Variants in GRAMD1B observed in about 807,000 individuals in gnomAD.
GRAMD1B encodes protein Aster-B.
Under a neutral mutation model 99.7 loss-of-function variants are expected in GRAMD1B, and 37 were observed. The observed-to-expected ratio is 0.37, with a 90% CI of 0.29 to 0.49. The LOEUF is 0.49. GRAMD1B is among the 20% of genes least tolerant of loss of function. The pLI, the probability that GRAMD1B is intolerant of heterozygous loss-of-function variation, is 0.98. For missense variants in GRAMD1B, 888 were observed against 1,009.2 expected (o/e 0.88, Z 1.63); for synonymous variants, 427 against 387.6 (o/e 1.10, Z -1.19).
rs1198398442 is a variant in GRAMD1B at position 123,623,134 on chromosome 11, C to T, written c.*539C>T. 1 of 152,118 alleles carries T rather than the reference C, an allele frequency of 6.6e-6. No individual in the cohort carries two copies. The highest frequency in any genetic ancestry group is 2.4e-5 in the African/African-American group (1 of 41,420). The allele number at this position is 152,118 out of a possible 1,614,324, so 9.4% of individuals were successfully genotyped here. A position where few individuals can be genotyped will look rare whatever the true frequency, so the allele number is the denominator to read the frequency against. On this transcript the variant is annotated 3_prime_UTR_variant, in exon 20 of 20. Coordinates refer to ENST00000635736, the MANE Select transcript of GRAMD1B (RefSeq NM_001387025.1). ...AGTCTAAACTCCTAGGGTTGGCCGC[C>T]CACTTGATCCAGACCGTACTGAGTG...
At chr11:123,582,908 C>T (rs924458434) in intron 3 of GRAMD1B, among the ~76,000 whole-genome samples, 1 of 152,198 alleles carries the variant, frequency 6.6e-6, no homozygotes, top group African/African-American at 2.4e-5. Flanking sequence ...AGGTATTGAT[C>T]TGTGAGCAAA....
intron 2 of GRAMD1B, among the ~76,000 whole-genome samples, chr11:123,504,739 T>C (rs1329310960): frequency 2.0e-5 from 3 of 152,198 alleles, no homozygotes; most frequent in African/African-American, 4.8e-5. Flanking sequence ...TGGAGTGCCA[T>C]GGTGCAATCC....
intron 1 of GRAMD1B, among the ~76,000 whole-genome samples, chr11:123,443,571 CTT>C (rs35979038): frequency 3.9e-4 from 58 of 147,466 alleles, no homozygotes; most frequent in Non-Finnish European, 4.2e-4. Context: ...TCTTTTTTCT[CTT>C]TTTTTTTTTT....
At chr11:123,616,690 C>T (rs113585693) in intron 17 of GRAMD1B, among the ~76,000 whole-genome samples, 5 of 152,250 alleles carry the variant, frequency 3.3e-5, no homozygotes, top group African/African-American at 1.2e-4. Flanking sequence ...CTGGCAGGCT[C>T]TTGCCCCCAC....
At chr11:123,399,748 T>G (rs1363408767) in intron 1 of GRAMD1B, among the ~76,000 whole-genome samples, 1 of 152,152 alleles carries the variant, frequency 6.6e-6, no homozygotes, top group African/African-American at 2.4e-5. Context: ...TAGCTGGAAT[T>G]AAATGTGCAC....
chr11:123,605,367 C>T lies in GRAMD1B; in HGVS notation c.1212C>T (p.Ser404=), dbSNP rs888483138. The change falls in exon 10 of 20, where the codon AGC becomes AGT. Residue 404 remains serine (S), a synonymous_variant. Transcript: ENST00000635736. ...TGGAAGAGAATGAAGTGAATGACAG[C>T]TCATCCAAGAGCAGCATAGAGACCA... The part of the protein sequence containing the change: ...IPVEENEVND[S]SSKSSIETKP... 7 of 1,612,714 alleles carry T rather than the reference C, an allele frequency of 4.3e-6. No individual in the cohort carries two copies. Among genetic ancestry groups the T allele is most frequent in the African/African-American group, 2.7e-5 (2 of 74,874 alleles).
chr11:123,445,818 C>CAAAAAAAAAA (rs36123733), intron 1 of GRAMD1B, among the ~76,000 whole-genome samples: 3 of 94,116 alleles, frequency 3.2e-5, no homozygotes, highest in African/African-American at 1.2e-4. Context: ...CACTTGTCTC[C>CAAAAAAAAAA]AAAAAAAAAA....
intron 1 of GRAMD1B, among the ~76,000 whole-genome samples, chr11:123,446,094 C>T (rs1949632042): frequency 6.6e-6 from 1 of 152,112 alleles, no homozygotes; most frequent in African/African-American, 2.4e-5. Flanking sequence ...TTCCAGATTC[C>T]GAGGAAGGTC....
intron 7 of GRAMD1B, chr11:123,599,142 A>G (rs541955604): frequency 1.4e-5 from 11 of 802,758 alleles, no homozygotes; most frequent in Non-Finnish European, 2.5e-5. Context: ...TGACATTGCC[A>G]CATAGATCTC....
rs78791845 is a variant in GRAMD1B, at chr11:123,535,240, T to A, written c.453-42127T>A. ...ATGATGCTTCTGTGAGCTTTCCATTTAAAAAAAAAAAAATCTCATACAACC... is the reference window on the plus strand; with the variant it reads ...ATGATGCTTCTGTGAGCTTTCCATTAAAAAAAAAAAAAATCTCATACAACC... On this transcript the variant is annotated intron_variant, in intron 2 of 19. Coordinates refer to ENST00000635736, the MANE Select transcript of GRAMD1B (RefSeq NM_001387025.1). Among the ~76,000 whole-genome samples the A allele has an allele frequency of 8.8e-5, 13 of 147,342 alleles. No individual in the cohort carries two copies. In the East Asian group the frequency reaches 9.8e-4, roughly 11 times the overall value.
chr11:123,401,861 G>C (rs1947673652), intron 1 of GRAMD1B, among the ~76,000 whole-genome samples: 1 of 152,106 alleles, frequency 6.6e-6, no homozygotes, highest in Non-Finnish European at 1.5e-5. Flanking sequence ...GTGAGCCGTG[G>C]TCTCATCACT....
At chr11:123,526,205 C>T in intron 2 of GRAMD1B, 1 of 1,598,232 alleles carries the variant, frequency 6.3e-7, no homozygotes, top group Non-Finnish European at 8.6e-7. Context: ...CCTTCCTCTT[C>T]TGCCTTTCTT....
intron 1 of GRAMD1B, among the ~76,000 whole-genome samples, chr11:123,436,052 C>T (rs1327438919): frequency 6.7e-6 from 1 of 148,678 alleles, no homozygotes; most frequent in Non-Finnish European, 1.5e-5. Flanking sequence ...AAGTGATTCT[C>T]CTGCCTAAGC....
rs867365952 is a variant in GRAMD1B at position 123,381,518 on chromosome 11, A to T, written c.-176+22719A>T. On this transcript the variant is annotated intron_variant, in intron 1 of 20. Transcript: ENST00000638157. ...GAAGGCCTTCCCATCTCTGGTTGAGATTCTTGTATGCCCGGTCTTTATATG... is the reference window on the plus strand; with the variant it reads ...GAAGGCCTTCCCATCTCTGGTTGAGTTTCTTGTATGCCCGGTCTTTATATG... 1.4e-4 allele frequency: 22 copies of T among 153,826 alleles called. 1 individual carries two copies. In the Middle Eastern group the frequency reaches 0.013, roughly 93 times the overall value. 9.5% of individuals were successfully genotyped at this position (153,826 alleles called of 1,614,324 possible).
intron 2 of GRAMD1B, 115 bp from the exon 3 acceptor site, chr11:123,577,252 A>G (rs1380578988): frequency 6.4e-5 from 55 of 859,682 alleles, no homozygotes; most frequent in Non-Finnish European, 5.8e-5. Flanking sequence ...CCAGCCCCTC[A>G]CCTGGCTCCC....
chr11:123,594,865 G>C, intron 6 of GRAMD1B, 27 bp downstream of exon 6: 2 of 1,211,460 alleles, frequency 1.7e-6, no homozygotes, highest in Non-Finnish European at 2.5e-6. Context: ...GCTCCCTTGG[G>C]CTGTCTCCTT....
intron 3 of GRAMD1B, among the ~76,000 whole-genome samples, chr11:123,581,582 G>A (rs936383883): frequency 6.6e-6 from 1 of 152,188 alleles, no homozygotes; most frequent in Non-Finnish European, 1.5e-5. Flanking sequence ...TGGCTGGAGG[G>A]GGGACCCATT....
At chr11:123,426,189 C>T (rs1565491051), upstream of GRAMD1B, among the ~76,000 whole-genome samples, 1 of 152,192 alleles carries the variant, frequency 6.6e-6, no homozygotes, top group Non-Finnish European at 1.5e-5. Context: ...TAGAGACCCA[C>T]AGTAGTAGGG....
In GRAMD1B at chr11:123,359,880, C is replaced by T. The variant is rs1159087021; in HGVS notation, c.-176+1081C>T. Among the ~76,000 whole-genome samples the T allele has an allele frequency of 4.6e-5, 7 of 152,186 alleles. 1 individual carries two copies. In the South Asian group the frequency reaches 6.2e-4, roughly 13 times the overall value. ...GGGGCTGAGCTTTCTCCTCTGCCAACGCCTACATGGGTACATCACCTTTTG... is the reference window on the plus strand; with the variant it reads ...GGGGCTGAGCTTTCTCCTCTGCCAATGCCTACATGGGTACATCACCTTTTG... On this transcript the variant is annotated intron_variant, in intron 1 of 20. Transcript: ENST00000638157.
Sources: allele counts gnomAD v4.1 joint callset (sites outside exome capture counted in the v4.1 genomes callset), GRCh38; gene constraint gnomAD v4.1.1; transcripts MANE v1.5; gene names NCBI Gene and HGNC (gene_info 2026-07-23, HGNC 2026-07-21).